VTI1A: variants seen among roughly 807,000 people sequenced by gnomAD.
VTI1A encodes vesicle transport through interaction with t-SNAREs 1A, also known as vesicle transport through interaction with t-SNAREs homolog 1A.
VTI1A carries 22 observed loss-of-function variants against 34.9 expected under a neutral mutation model. The observed-to-expected ratio is 0.63, with a 90% CI of 0.45 to 0.90. The LOEUF is 0.90. VTI1A is among the 40% of genes least tolerant of loss of function. The pLI, the probability that VTI1A is intolerant of heterozygous loss-of-function variation, is 0.00. For synonymous variants in VTI1A, 87 were observed against 97.3 expected, an observed-to-expected ratio of 0.89 and a Z score of 0.62; for missense variants, 268 against 275.6, an observed-to-expected ratio of 0.97 and a Z score of 0.20.
At chr10:112,691,729 C>T (rs1189712821) in intron 7 of VTI1A, among the ~76,000 whole-genome samples, 2 of 152,176 alleles carry the variant, frequency 1.3e-5, no homozygotes, top group East Asian at 3.9e-4. Context: ...GGTACATTGA[C>T]AGCAACTTGC....
At chr10:112,695,121 C>T (rs1001616246) in intron 7 of VTI1A, among the ~76,000 whole-genome samples, 2 of 152,060 alleles carry the variant, frequency 1.3e-5, no homozygotes, top group Non-Finnish European at 2.9e-5. Context: ...CTATTAATTT[C>T]CAAAAGTGAA....
intron 5 of VTI1A, among the ~76,000 whole-genome samples, chr10:112,561,456 A>G (rs977114058): frequency 1.3e-5 from 2 of 152,194 alleles, no homozygotes; most frequent in Non-Finnish European, 2.9e-5. Context: ...GACTAGGGAC[A>G]TTTACTTGTA....
intron 5 of VTI1A, among the ~76,000 whole-genome samples, chr10:112,545,818 CGTGT>C (rs143797429): frequency 6.6e-6 from 1 of 151,836 alleles, no homozygotes; most frequent in Admixed American, 6.6e-5. Context: ...CATTGAATCT[CGTGT>C]GTGTGTGCGC....
At chr10:112,550,971 C>T (rs545418893) in intron 5 of VTI1A, among the ~76,000 whole-genome samples, 20 of 152,204 alleles carry the variant, frequency 1.3e-4, no homozygotes, top group South Asian at 8.3e-4. Context: ...CGGCCGGGCG[C>T]GGTGGCTCAC....
At chr10:112,848,704 A>G in the VTI1A span, among the ~76,000 whole-genome samples, 2 of 152,242 alleles carry the variant, frequency 1.3e-5, no homozygotes, top group African/African-American at 2.4e-5. Context: ...CCAGAAAGGG[A>G]AGCCAGAGAA....
At chr10:112,676,962 G>T (rs963032388) in intron 7 of VTI1A, among the ~76,000 whole-genome samples, 8 of 152,148 alleles carry the variant, frequency 5.3e-5, no homozygotes, top group Admixed American at 5.2e-4. Flanking sequence ...GGTGGAGACA[G>T]CTCTTGCCAG....
the VTI1A span, chr10:112,832,305 C>T: frequency 6.6e-6 from 1 of 152,188 alleles, no homozygotes; most frequent in Non-Finnish European, 1.5e-5. Flanking sequence ...TGAAAAAGAC[C>T]TCTGACCCTG....
rs537841063 is a variant in VTI1A, at chr10:112,699,173, A to G, written c.560+30175A>G. Among the ~76,000 whole-genome samples the G allele has an allele frequency of 3.3e-3, 497 of 152,358 alleles. 1 individual carries two copies. The highest frequency in any genetic ancestry group is 5.9e-3 in the Admixed American group (90 of 15,300). Reference sequence around the variant, plus strand: ...AATTTCAGCATAGATGGCAGTTACCATCACTTTAGGCAAGCTAACTACCTC... The same window carrying G: ...AATTTCAGCATAGATGGCAGTTACCGTCACTTTAGGCAAGCTAACTACCTC... On this transcript the variant is annotated intron_variant, in intron 7 of 7. Coordinates refer to ENST00000393077, the MANE Select transcript of VTI1A (RefSeq NM_145206.4).
intron 5 of VTI1A, among the ~76,000 whole-genome samples, chr10:112,602,141 A>G (rs1235859467): frequency 6.6e-6 from 1 of 152,260 alleles, no homozygotes; most frequent in Non-Finnish European, 1.5e-5. Flanking sequence ...CATGAGCAAT[A>G]GAAATGTCAA....
the VTI1A span, among the ~76,000 whole-genome samples, chr10:112,839,624 C>T: frequency 2.6e-5 from 4 of 152,136 alleles, no homozygotes; most frequent in East Asian, 1.9e-4. Context: ...AAGTGCTCCC[C>T]GCTGCCCCAA....
intron 7 of VTI1A, among the ~76,000 whole-genome samples, chr10:112,733,773 A>ATTTT (rs764240395): frequency 1.3e-5 from 2 of 149,248 alleles, no homozygotes; most frequent in African/African-American, 5.1e-5. Flanking sequence ...ATTTTATTTT[A>ATTTT]AGAGAGAGTT....
At position 112,775,927 on chromosome 10, in the gene VTI1A, C is replaced by T. The variant is rs189064241; in HGVS notation, c.561-39363C>T. Among the ~76,000 whole-genome samples, 26 of 152,308 alleles carry T rather than the reference C, an allele frequency of 1.7e-4. No homozygotes were observed. The East Asian group carries it at 2.3e-3, about 14-fold the overall frequency. On this transcript the variant is annotated intron_variant, in intron 7 of 7. Coordinates refer to ENST00000393077, the MANE Select transcript of VTI1A (RefSeq NM_145206.4). ...CAATCTGATCTTTTGAAAGAATAAA[C>T]AGTTCCTTGTTAATTAATTTATACA...
chr10:112,457,683 T>C (rs1847584932), intron 1 of VTI1A, among the ~76,000 whole-genome samples: 1 of 152,120 alleles, frequency 6.6e-6, no homozygotes, highest in Admixed American at 6.6e-5. Flanking sequence ...AATATGATAG[T>C]TTTAAAATGG....
intron 3 of VTI1A, among the ~76,000 whole-genome samples, chr10:112,471,757 C>A (rs1250860243): frequency 6.6e-6 from 1 of 151,902 alleles, no homozygotes; most frequent in Non-Finnish European, 1.5e-5. Context: ...TTAGCTAGGG[C>A]CTTCTCATGT....
chr10:112,796,021 G>A (rs967351361), intron 7 of VTI1A, among the ~76,000 whole-genome samples: 6 of 152,040 alleles, frequency 3.9e-5, no homozygotes, highest in African/African-American at 1.2e-4. Context: ...CTAGACAGTC[G>A]TTAAGCCTTG....
chr10:112,842,897 AAT>A, the VTI1A span, among the ~76,000 whole-genome samples: 1 of 152,206 alleles, frequency 6.6e-6, no homozygotes, highest in Non-Finnish European at 1.5e-5. Flanking sequence ...GAAGGGTTCC[AAT>A]ACAGGGAATT....
chr10:112,736,111 G>GTGTATGTATATATATA (rs778802494), intron 7 of VTI1A, among the ~76,000 whole-genome samples: 6 of 116,198 alleles, frequency 5.2e-5, no homozygotes, highest in Admixed American at 1.7e-4. Context: ...ATGTGTGTGT[G>GTGTATGTATATATATA]TATATATATA....
intron 7 of VTI1A, among the ~76,000 whole-genome samples, chr10:112,670,813 T>C (rs538624109): frequency 8.5e-4 from 130 of 152,302 alleles, no homozygotes; most frequent in African/African-American, 3.1e-3. Flanking sequence ...GTCTAGAGTA[T>C]GAACAGAAAT....
chr10:112,758,831 C>G (rs1851366823), intron 7 of VTI1A, among the ~76,000 whole-genome samples: 1 of 152,248 alleles, frequency 6.6e-6, no homozygotes, highest in African/African-American at 2.4e-5. Context: ...TTATTATTTT[C>G]ATACACATCA....
Sources: allele counts gnomAD v4.1 joint callset (sites outside exome capture counted in the v4.1 genomes callset), GRCh38; gene constraint gnomAD v4.1.1; transcripts MANE v1.5; gene names NCBI Gene and HGNC (gene_info 2026-07-23, HGNC 2026-07-21).